PHF21A: variants seen among roughly 807,000 people sequenced by gnomAD.
PHF21A encodes PHD finger protein 21A.
PHF21A carries 11 observed loss-of-function variants against 82.5 expected under a neutral mutation model. The observed-to-expected ratio is 0.13, with a 90% CI of 0.08 to 0.22. The LOEUF is 0.22. Ranked by LOEUF, PHF21A falls within the 10% of genes least tolerant of loss-of-function variation. The probability of loss-of-function intolerance (pLI) is 1.00; values close to 1 mark genes in which losing one functional copy is unlikely to be tolerated. For synonymous variants in PHF21A, 297 were observed against 302.8 expected, an observed-to-expected ratio of 0.98 and a Z score of 0.20; for missense variants, 579 against 837.8, an observed-to-expected ratio of 0.69 and a Z score of 3.81.
intron 3 of PHF21A, among the ~76,000 whole-genome samples, chr11:46,088,357 A>G (rs1402553081): frequency 6.6e-6 from 1 of 152,128 alleles, no homozygotes; most frequent in African/African-American, 2.4e-5. Flanking sequence ...GCAATCTTCC[A>G]AACGGTACAT....
intron 6 of PHF21A, among the ~76,000 whole-genome samples, chr11:46,008,488 T>G (rs1591903228): frequency 6.6e-6 from 1 of 152,140 alleles, no homozygotes; most frequent in Admixed American, 6.6e-5. Context: ...AGTAGAGAAG[T>G]GCCAATGTCT....
At chr11:45,958,249 C>G (rs2092807312) in intron 10 of PHF21A, among the ~76,000 whole-genome samples, 2 of 149,998 alleles carry the variant, frequency 1.3e-5, no homozygotes, top group Non-Finnish European at 3.0e-5. Context: ...TTCTATGAGG[C>G]CAGCACTACT....
intron 6 of PHF21A, among the ~76,000 whole-genome samples, chr11:45,990,804 C>T (rs773149369): frequency 5.3e-5 from 8 of 151,794 alleles, no homozygotes; most frequent in Non-Finnish European, 7.4e-5. Flanking sequence ...TACTCCTGGC[C>T]TCCCCACCCC....
chr11:45,972,543 C>T (rs981460315), intron 7 of PHF21A, among the ~76,000 whole-genome samples: 5 of 152,160 alleles, frequency 3.3e-5, no homozygotes, highest in African/African-American at 7.2e-5. Context: ...TTTGGGAAAC[C>T]GAGGCAGGTG....
chr11:46,072,320 G>C (rs539068934), intron 6 of PHF21A, among the ~76,000 whole-genome samples: 2 of 152,234 alleles, frequency 1.3e-5, no homozygotes, highest in African/African-American at 2.4e-5. Context: ...GATCTAACTG[G>C]AAGTGGTGCA....
intron 8 of PHF21A, 183 bp from the exon 9 acceptor site, chr11:45,970,087 C>T: frequency 8.8e-6 from 5 of 571,312 alleles, no homozygotes; most frequent in Non-Finnish European, 1.6e-5. Flanking sequence ...GTGTGCTTTA[C>T]CCTATAAAAT....
intron 6 of PHF21A, among the ~76,000 whole-genome samples, chr11:45,986,644 C>T (rs765229590): frequency 3.9e-5 from 6 of 152,132 alleles, no homozygotes; most frequent in Non-Finnish European, 7.4e-5. Flanking sequence ...TAAACTATAC[C>T]GCCCTCCTTC....
chr11:45,987,763 G>A (rs1274457029), intron 6 of PHF21A, among the ~76,000 whole-genome samples: 1 of 146,020 alleles, frequency 6.8e-6, no homozygotes, highest in Admixed American at 7.0e-5. Flanking sequence ...AGCTCCAATA[G>A]AGCAAAACGT....
At position 46,115,665 on chromosome 11, in the gene PHF21A, C is replaced by A. The variant is rs140660193; in HGVS notation, c.-237+5270G>T. Among the ~76,000 whole-genome samples the A allele has an allele frequency of 4.0e-3, 615 of 152,196 alleles. 5 individuals are homozygous for A. Among genetic ancestry groups the A allele is most frequent in the African/African-American group, 0.014 (592 of 41,524 alleles). Reference sequence around the variant, plus strand: ...AACATAAATCATTAATATTTCCCAGCACAAAATAATATGAAAATTCAAACA... The same window carrying A: ...AACATAAATCATTAATATTTCCCAGAACAAAATAATATGAAAATTCAAACA... On this transcript the variant is annotated intron_variant, in intron 1 of 18. Coordinates refer to ENST00000676320, the MANE Select transcript of PHF21A (RefSeq NM_001352027.3).
chr11:46,085,036 G>A (rs1017833957), intron 3 of PHF21A, among the ~76,000 whole-genome samples: 1 of 151,896 alleles, frequency 6.6e-6, no homozygotes, highest in African/African-American at 2.4e-5. Context: ...AGGGTTTCTC[G>A]GAGGTTAACG....
intron 6 of PHF21A, among the ~76,000 whole-genome samples, chr11:45,982,633 G>A (rs972953370): frequency 6.6e-6 from 1 of 152,118 alleles, no homozygotes; most frequent in Non-Finnish European, 1.5e-5. Context: ...GTGACTGCTA[G>A]AACATTTAGA....
intron 6 of PHF21A, among the ~76,000 whole-genome samples, chr11:45,994,134 A>G (rs1164650979): frequency 6.6e-6 from 1 of 152,230 alleles, no homozygotes; most frequent in Admixed American, 6.5e-5. Flanking sequence ...CTAACCTTAC[A>G]GCCTCAAGCC....
At chr11:46,066,612 T>C (rs1026454016) in intron 6 of PHF21A, among the ~76,000 whole-genome samples, 18 of 152,204 alleles carry the variant, frequency 1.2e-4, no homozygotes, top group Admixed American at 2.6e-4. Context: ...GGTGGTAGGA[T>C]TACTTGAGCC....
chr11:46,006,868 G>A (rs528228626), intron 6 of PHF21A, among the ~76,000 whole-genome samples: 5 of 152,110 alleles, frequency 3.3e-5, no homozygotes, highest in African/African-American at 1.2e-4. Flanking sequence ...CAAATCAACA[G>A]GTACTAACAA....
chr11:45,974,774 G>T (rs943673198), intron 7 of PHF21A, among the ~76,000 whole-genome samples: 1 of 152,034 alleles, frequency 6.6e-6, no homozygotes, highest in Non-Finnish European at 1.5e-5. Context: ...TTATATGAAA[G>T]CTGTGATTTG....
At chr11:46,002,757 AC>A (rs913298042) in intron 6 of PHF21A, among the ~76,000 whole-genome samples, 5 of 152,012 alleles carry the variant, frequency 3.3e-5, no homozygotes, top group Admixed American at 1.3e-4. Flanking sequence ...ATTTAGAGGC[AC>A]CCCCTCAAAC....
chr11:46,097,454 C>T (rs1410073080), intron 1 of PHF21A, among the ~76,000 whole-genome samples: 2 of 152,172 alleles, frequency 1.3e-5, no homozygotes, highest in Non-Finnish European at 2.9e-5. Flanking sequence ...CACTCTTTTC[C>T]TCCAAATATC....
intron 6 of PHF21A, among the ~76,000 whole-genome samples, chr11:46,032,954 G>C (rs2095898312): frequency 3.3e-5 from 5 of 152,016 alleles, no homozygotes; most frequent in Non-Finnish European, 7.4e-5. Context: ...GCTAGTTTTG[G>C]TACCTCTGAA....
intron 1 of PHF21A, among the ~76,000 whole-genome samples, chr11:46,108,321 T>C (rs1466025594): frequency 6.6e-6 from 1 of 151,032 alleles, no homozygotes; most frequent in Non-Finnish European, 1.5e-5. Flanking sequence ...TTTAAACTGA[T>C]TTTTTTTTAA....
Sources: allele counts gnomAD v4.1 joint callset (sites outside exome capture counted in the v4.1 genomes callset), GRCh38; gene constraint gnomAD v4.1.1; transcripts MANE v1.5; gene names NCBI Gene and HGNC (gene_info 2026-07-23, HGNC 2026-07-21).